FAM169A: variants seen among roughly 807,000 people sequenced by gnomAD.
FAM169A encodes soluble lamin-associated protein of 75 kDa.
In FAM169A, 24 loss-of-function variants were observed where a neutral mutation model predicts 75.7. The ratio of observed to expected loss-of-function variants is 0.32; its 90% CI spans 0.23 to 0.45. FAM169A has a LOEUF of 0.45. Among genes scored for constraint, FAM169A ranks in the 20% least tolerant of loss-of-function variants. The pLI is 1.00. For synonymous variants in FAM169A, 271 were observed against 271.0 expected, an observed-to-expected ratio of 1.00 and a Z score of 0.00; for missense variants, 673 against 784.0, an observed-to-expected ratio of 0.86 and a Z score of 1.69.
intron 5 of FAM169A, among the ~76,000 whole-genome samples, chr5:74,823,436 A>G (rs762130587): frequency 1.8e-4 from 28 of 152,200 alleles, no homozygotes; most frequent in Non-Finnish European, 3.5e-4. Flanking sequence ...GGCAAAGTTA[A>G]CTACTTGCTT....
chr5:74,796,922 G>A (rs1746306984), intron 10 of FAM169A, among the ~76,000 whole-genome samples: 1 of 152,068 alleles, frequency 6.6e-6, no homozygotes, highest in Admixed American at 6.6e-5. Context: ...CTCCAAAACT[G>A]CCTTTCAAAT....
chr5:74,801,000 G>A lies in FAM169A; in HGVS notation c.983C>T (p.Thr328Ile), dbSNP rs1167238319. ...TGGCCGCTTTAGATTACCACTTCGA[G>A]TATGAGTGGAAACAGATGTTTTATC... is the stretch of plus-strand genomic sequence containing the variant. ...GHDKTSVSTH[T>I]RSGNLKRPKI... Residue 328 changes from threonine (T) to isoleucine (I), a missense_variant, in exon 10 of 13, where the codon ACT becomes ATT. Coordinates refer to ENST00000687041, the MANE Select transcript of FAM169A (RefSeq NM_001376049.1). 2.6e-6 allele frequency: 4 copies of A among 1,565,534 alleles called. No homozygotes were observed. Among genetic ancestry groups the A allele is most frequent in the Middle Eastern group, 1.7e-4 (1 of 5,904 alleles).
chr5:74,800,142 C>T (rs951928186), intron 10 of FAM169A: 12 of 476,238 alleles, frequency 2.5e-5, no homozygotes, highest in Admixed American at 9.0e-5. Context: ...TGCCGTGGCA[C>T]GATGGCTAGG....
Position 74,780,359 on chromosome 5 carries a change from C to G in FAM169A, c.*1101G>C, listed in dbSNP as rs571714889. 6.6e-6 allele frequency: 1 copy of G among 152,194 alleles called. No homozygotes were observed. Among genetic ancestry groups the G allele is most frequent in the Non-Finnish European group, 1.5e-5 (1 of 68,056 alleles). The allele number at this position is 152,194 out of a possible 1,614,324, so 9.4% of individuals were successfully genotyped here. A position where few individuals can be genotyped will look rare whatever the true frequency, so the allele number is the denominator to read the frequency against. On this transcript the variant is annotated 3_prime_UTR_variant, in exon 13 of 13. Transcript: ENST00000687041. ...AACATTGTGGGGTGCACCTCCAAACCTACCCAAAAATGGACATCAAGGGCA... is the reference window on the plus strand; with the variant it reads ...AACATTGTGGGGTGCACCTCCAAACGTACCCAAAAATGGACATCAAGGGCA...
chr5:74,798,004 A>G (rs1159154455), intron 10 of FAM169A, among the ~76,000 whole-genome samples: 1 of 152,256 alleles, frequency 6.6e-6, no homozygotes, highest in Non-Finnish European at 1.5e-5. Context: ...GATTTGGCCT[A>G]CAGGCCATAG....
intron 1 of FAM169A, among the ~76,000 whole-genome samples, chr5:74,847,192 C>T (rs191247891): frequency 6.6e-6 from 1 of 152,038 alleles, no homozygotes; most frequent in Non-Finnish European, 1.5e-5. Flanking sequence ...TATACAGTTC[C>T]GTATACTCAC....
intron 10 of FAM169A, among the ~76,000 whole-genome samples, chr5:74,796,469 G>A (rs187167238): frequency 2.6e-5 from 4 of 151,196 alleles, no homozygotes; most frequent in East Asian, 1.9e-4. Context: ...GCAATGGCGC[G>A]ATCTCGGCTC....
chr5:74,845,412 A>G (rs1580158659), intron 1 of FAM169A, among the ~76,000 whole-genome samples: 2 of 151,990 alleles, frequency 1.3e-5, no homozygotes, highest in South Asian at 4.2e-4. Context: ...CAGCTACTCA[A>G]GAGGCTGAGG....
chr5:74,864,264 G>A (rs1450597676), intron 1 of FAM169A, among the ~76,000 whole-genome samples: 1 of 152,194 alleles, frequency 6.6e-6, no homozygotes, highest in Non-Finnish European at 1.5e-5. Flanking sequence ...GTGTTTCACT[G>A]TTGTTGCCCA....
At chr5:74,818,120 C>T (rs1423113094) in intron 5 of FAM169A, among the ~76,000 whole-genome samples, 10 of 152,088 alleles carry the variant, frequency 6.6e-5, no homozygotes, top group Admixed American at 6.6e-4. Flanking sequence ...AGATATAACA[C>T]CAAAAGCACA....
At chr5:74,845,796 C>G (rs1462879837) in intron 1 of FAM169A, among the ~76,000 whole-genome samples, 2 of 152,080 alleles carry the variant, frequency 1.3e-5, no homozygotes, top group African/African-American at 4.8e-5. Context: ...GGAGCTTATG[C>G]AAGTAAGATG....
chr5:74,781,578 G>A lies in FAM169A; in HGVS notation c.1895C>T (p.Ala632Val), dbSNP rs1201493033. ...LDQFTQSAEK[A>V]VDSSSEEIEV... is the part of the protein sequence containing the mutation. ...TATTTCCTCTGAGCTGCTATCCACAGCTTTTTCTGCCGATTGTGTAAACTG... is the reference window on the plus strand; with the variant it reads ...TATTTCCTCTGAGCTGCTATCCACAACTTTTTCTGCCGATTGTGTAAACTG... The change falls in exon 13 of 13, where the codon GCT (alanine) becomes GTT (valine). Residue 632 changes from alanine to valine, a missense_variant. Ala to Val is a moderately conservative substitution (Grantham distance 64). Coordinates refer to ENST00000687041, the MANE Select transcript of FAM169A (RefSeq NM_001376049.1). The A allele has an allele frequency of 3.0e-5, 49 of 1,614,020 alleles. No homozygotes were observed. The highest frequency in any genetic ancestry group is 4.2e-5 in the Non-Finnish European group (49 of 1,180,036).
At chr5:74,805,359 C>A in intron 6 of FAM169A, 75 bp from the exon 7 acceptor site, 1 of 1,437,718 alleles carries the variant, frequency 7.0e-7, no homozygotes, top group South Asian at 1.2e-5. Context: ...GAAAAGTAAG[C>A]TTCCCAACTC....
At position 74,854,264 on chromosome 5, in the gene FAM169A, G is replaced by A. The variant is rs191726283; in HGVS notation, c.-4+11901C>T. ...CAAAAAATTAGCCAGGTATGGTGGC[G>A]GATGCCTGTAGTCTTAACTACTCAA... On this transcript the variant is annotated intron_variant, in intron 1 of 12. Coordinates refer to ENST00000687041, the MANE Select transcript of FAM169A (RefSeq NM_001376049.1). Among the ~76,000 whole-genome samples, 441 of 152,066 alleles carry A rather than the reference G, an allele frequency of 2.9e-3. 3 individuals carry two copies. The highest frequency in any genetic ancestry group is 7.9e-3 in the African/African-American group (329 of 41,466).
chr5:74,866,325 A>G lies in FAM169A; in HGVS notation c.-164T>C. 1.0e-6 allele frequency: 1 copy of G among 983,762 alleles called. No homozygotes were observed. The highest frequency in any genetic ancestry group is 1.2e-6 in the Non-Finnish European group (1 of 829,430). 60.9% of individuals were successfully genotyped at this position (983,762 alleles called of 1,614,324 possible). A position where few individuals can be genotyped will look rare whatever the true frequency, so the allele number is the denominator to read the frequency against. On this transcript the variant is annotated 5_prime_UTR_variant, in exon 1 of 13. Coordinates refer to ENST00000687041, the MANE Select transcript of FAM169A (RefSeq NM_001376049.1). ...TGCGGCTGCCTCCCGCTCGCCCCGG[A>G]CGCCCGGCTCCTCGTCGCGGGTCGG...
At chr5:74,792,571 G>A (rs1383779412) in intron 11 of FAM169A, among the ~76,000 whole-genome samples, 1 of 152,084 alleles carries the variant, frequency 6.6e-6, no homozygotes, top group Non-Finnish European at 1.5e-5. Flanking sequence ...ATGGCCTACT[G>A]TGGGACTCTG....
rs1303581648 is a variant in FAM169A at position 74,780,216 on chromosome 5, GATGATTGAAGCCTCCAAT to G, written c.*1226_*1243del. On this transcript the variant is annotated 3_prime_UTR_variant, in exon 13 of 13. Transcript: ENST00000687041. Reference sequence around the variant, plus strand: ...AACCAGTACTCAGTACAAATCAAAGGATGATTGAAGCCTCCAATATGATTGAAGCCCTTGTAACCACAG... The same window carrying G: ...AACCAGTACTCAGTACAAATCAAAGGATGATTGAAGCCCTTGTAACCACAG... The G allele has an allele frequency of 6.6e-6, 1 of 152,080 alleles. No individual in the cohort carries two copies. The highest frequency in any genetic ancestry group is 1.5e-5 in the Non-Finnish European group (1 of 68,024). 9.4% of individuals were successfully genotyped at this position (152,080 alleles called of 1,614,324 possible). A position where few individuals can be genotyped will look rare whatever the true frequency, so the allele number is the denominator to read the frequency against.
intron 11 of FAM169A, among the ~76,000 whole-genome samples, chr5:74,789,186 T>G (rs750291142): frequency 1.3e-5 from 2 of 152,318 alleles, no homozygotes; most frequent in Non-Finnish European, 2.9e-5. Flanking sequence ...CACTGGCCCA[T>G]AACATTGATG....
At chr5:74,804,259 T>C (rs1746737451) in intron 8 of FAM169A, among the ~76,000 whole-genome samples, 1 of 152,170 alleles carries the variant, frequency 6.6e-6, no homozygotes, top group Non-Finnish European at 1.5e-5. Flanking sequence ...TTTATGTTTA[T>C]TCTAAATTAC....
Sources: allele counts gnomAD v4.1 joint callset (sites outside exome capture counted in the v4.1 genomes callset), GRCh38; gene constraint gnomAD v4.1.1; transcripts MANE v1.5; gene names NCBI Gene and HGNC (gene_info 2026-07-23, HGNC 2026-07-21).